Variants in LPAR3 observed in about 807,000 individuals in gnomAD.
LPAR3 encodes lysophosphatidic acid receptor 3, also known as LPA receptor 3.
In LPAR3, 7 loss-of-function variants were observed where a neutral mutation model predicts 17.8. That is an observed-to-expected ratio of 0.39 (90% confidence interval 0.22 to 0.74). The LOEUF (loss-of-function observed/expected upper bound fraction) is 0.74. Ranked by LOEUF, LPAR3 falls within the 30% of genes least tolerant of loss-of-function variation. The probability of loss-of-function intolerance (pLI) is 0.40; values close to 1 mark genes in which losing one functional copy is unlikely to be tolerated. For missense variants in LPAR3, 391 were observed against 453.4 expected, an observed-to-expected ratio of 0.86 and a Z score of 1.25; for synonymous variants, 179 against 179.9, an observed-to-expected ratio of 0.99 and a Z score of 0.04.
At chr1:84,836,916 A>C (rs1053853187) in intron 2 of LPAR3, among the ~76,000 whole-genome samples, 5 of 152,226 alleles carry the variant, frequency 3.3e-5, no homozygotes, top group African/African-American at 1.2e-4. Flanking sequence ...GTTTTGATAC[A>C]TATATACATT....
intron 2 of LPAR3, among the ~76,000 whole-genome samples, chr1:84,862,989 A>C (rs1459662366): frequency 6.6e-6 from 1 of 152,222 alleles, no homozygotes. Context: ...CTTCAGAGAA[A>C]ATAAAACAAA....
intron 1 of LPAR3, among the ~76,000 whole-genome samples, chr1:84,887,791 T>C (rs756017708): frequency 1.3e-5 from 2 of 152,142 alleles, no homozygotes; most frequent in African/African-American, 2.4e-5. Context: ...TTGGGAGTCA[T>C]CCTACAGCAT....
rs1658856045 is a variant in LPAR3 at position 84,813,176 on chromosome 1, CACACACACATGCATAT to C, written c.*654_*669del. ...ATATATATAGACACACACACACACA[CACACACACATGCATAT>C]ACACACACATGCATGGAGGACCATA... On this transcript the variant is annotated 3_prime_UTR_variant, in exon 3 of 3. Transcript: ENST00000370611. 7.0e-6 allele frequency: 1 copy of C among 143,148 alleles called. No homozygotes were observed. Among genetic ancestry groups the C allele is most frequent in the Non-Finnish European group, 1.5e-5 (1 of 65,510 alleles). 8.9% of individuals were successfully genotyped at this position (143,148 alleles called of 1,614,324 possible). A position where few individuals can be genotyped will look rare whatever the true frequency, so the allele number is the denominator to read the frequency against.
intron 1 of LPAR3, among the ~76,000 whole-genome samples, chr1:84,888,559 G>T (rs1475582797): frequency 6.6e-6 from 1 of 152,246 alleles, no homozygotes; most frequent in African/African-American, 2.4e-5. Context: ...GTCTGAGTCT[G>T]TCTGGGGGCA....
intron 2 of LPAR3, among the ~76,000 whole-genome samples, chr1:84,825,813 G>A (rs1659144801): frequency 1.3e-5 from 2 of 152,326 alleles, no homozygotes; most frequent in Admixed American, 6.5e-5. Context: ...TCAGTACGGT[G>A]CGCAAACCCT....
At chr1:84,868,268 C>A (rs1660091686) in intron 1 of LPAR3, among the ~76,000 whole-genome samples, 1 of 152,122 alleles carries the variant, frequency 6.6e-6, no homozygotes, top group Admixed American at 6.5e-5. Flanking sequence ...TGCCAGCACG[C>A]CCGGCTAATT....
intron 2 of LPAR3, among the ~76,000 whole-genome samples, chr1:84,821,379 A>G (rs1659051138): frequency 6.6e-6 from 1 of 152,132 alleles, no homozygotes; most frequent in South Asian, 2.1e-4. Context: ...CTACTTTAAA[A>G]ATACTGTTAT....
chr1:84,838,330 G>A (rs1659443648), intron 2 of LPAR3, among the ~76,000 whole-genome samples: 1 of 152,100 alleles, frequency 6.6e-6, no homozygotes, highest in African/African-American at 2.4e-5. Context: ...CTCTTGCATG[G>A]TATACTCCAC....
At chr1:84,891,340 ATAGT>A (rs1232874491) in intron 1 of LPAR3, among the ~76,000 whole-genome samples, 7 of 152,024 alleles carry the variant, frequency 4.6e-5, no homozygotes, top group African/African-American at 9.7e-5. Flanking sequence ...TGTTGTCCAA[ATAGT>A]TAGACGTCCA....
At chr1:84,829,423 G>C (rs995490714) in intron 2 of LPAR3, among the ~76,000 whole-genome samples, 1 of 151,868 alleles carries the variant, frequency 6.6e-6, no homozygotes, top group African/African-American at 2.4e-5. Context: ...GGAGGTGCTG[G>C]AGTTTATACA....
intron 1 of LPAR3, among the ~76,000 whole-genome samples, chr1:84,876,583 G>A (rs72942475): frequency 3.3e-5 from 5 of 152,162 alleles, no homozygotes; most frequent in African/African-American, 7.2e-5. Flanking sequence ...CTTCTAGCTC[G>A]GGGACACTGT....
At chr1:84,858,624 A>C (rs1325343556) in intron 2 of LPAR3, among the ~76,000 whole-genome samples, 3 of 152,094 alleles carry the variant, frequency 2.0e-5, no homozygotes, top group Admixed American at 2.0e-4. Flanking sequence ...TTTTAGCTCC[A>C]GCATTTGAAA....
intron 1 of LPAR3, among the ~76,000 whole-genome samples, chr1:84,883,290 A>C (rs35604148): frequency 0.1 from 15,332 of 152,268 alleles, 935 homozygotes; most frequent in South Asian, 0.15. Flanking sequence ...GACCAAAGGA[A>C]GAATCCTTTC....
chr1:84,840,293 C>A (rs1166403977), intron 2 of LPAR3, among the ~76,000 whole-genome samples: 1 of 152,188 alleles, frequency 6.6e-6, no homozygotes, highest in South Asian at 2.1e-4. Flanking sequence ...AAATGAGTAT[C>A]ATTAACGCAA....
intron 1 of LPAR3, among the ~76,000 whole-genome samples, chr1:84,868,546 A>C (rs1351043358): frequency 1.3e-5 from 2 of 152,190 alleles, no homozygotes; most frequent in African/African-American, 4.8e-5. Context: ...AATTCAAGAC[A>C]AACAATCCGA....
intron 1 of LPAR3, among the ~76,000 whole-genome samples, chr1:84,888,128 TTATA>T (rs59851142): frequency 6.8e-5 from 10 of 147,878 alleles, no homozygotes; most frequent in African/African-American, 2.0e-4. Flanking sequence ...GATGTATATT[TTATA>T]TATATATATA....
intron 2 of LPAR3, 23 bp downstream of exon 2, chr1:84,865,362 C>A (rs1660019899): frequency 1.3e-6 from 2 of 1,582,434 alleles, no homozygotes; most frequent in South Asian, 2.4e-5. Context: ...GGAATGATGG[C>A]TTGCTTGGGT....
intron 2 of LPAR3, among the ~76,000 whole-genome samples, chr1:84,858,483 C>CAA (rs10615696): frequency 1.3e-4 from 14 of 105,774 alleles, no homozygotes; most frequent in Middle Eastern, 4.1e-3. Flanking sequence ...GAGACTGTCT[C>CAA]AAAAAAAAAA....
At chr1:84,828,370 T>A (rs1423232464) in intron 2 of LPAR3, among the ~76,000 whole-genome samples, 2 of 152,244 alleles carry the variant, frequency 1.3e-5, no homozygotes, top group Non-Finnish European at 2.9e-5. Context: ...TATTGAAATA[T>A]CTTCCACTTG....
Sources: gnomAD v4.1 joint callset for allele counts (sites outside exome capture counted in the v4.1 genomes callset) on GRCh38, gnomAD v4.1.1 for gene constraint, MANE v1.5 for transcripts, NCBI Gene and HGNC (gene_info 2026-07-23, HGNC 2026-07-21) for gene names.